The following RFTN1 variants were observed in gnomAD, a reference collection of about 807,000 sequenced individuals.
RFTN1 encodes raftlin.
RFTN1 carries 26 observed loss-of-function variants against 46.5 expected under a neutral mutation model. The observed-to-expected ratio is 0.56, with a 90% CI of 0.41 to 0.78. The LOEUF (loss-of-function observed/expected upper bound fraction) is 0.78, where lower values mean the gene tolerates loss of function less well. Among genes scored for constraint, RFTN1 ranks in the 30% least tolerant of loss-of-function variants. The probability of loss-of-function intolerance (pLI) is 0.00; values close to 1 mark genes in which losing one functional copy is unlikely to be tolerated. For synonymous variants in RFTN1, 261 were observed against 284.2 expected, an observed-to-expected ratio of 0.92 and a Z score of 0.82; for missense variants, 693 against 718.7, an observed-to-expected ratio of 0.96 and a Z score of 0.41.
At chr3:16,511,909 C>T (rs2125019683) in intron 1 of RFTN1, among the ~76,000 whole-genome samples, 1 of 152,206 alleles carries the variant, frequency 6.6e-6, no homozygotes, top group African/African-American at 2.4e-5. Flanking sequence ...AAAAAGCAAA[C>T]AAAGAAAAAC....
chr3:16,386,737 G>A (rs968999918), intron 4 of RFTN1, among the ~76,000 whole-genome samples: 3 of 152,192 alleles, frequency 2.0e-5, no homozygotes, highest in Non-Finnish European at 4.4e-5. Context: ...CTGCCCACAG[G>A]ATGTGGTATG....
rs938020021 is a variant in RFTN1 at position 16,504,013 on chromosome 3, C to T, written c.-9+9429G>A. 7.9e-5 allele frequency among the ~76,000 whole-genome samples: 12 copies of T among 152,156 alleles called. No homozygotes were observed. The highest frequency in any genetic ancestry group is 1.2e-4 in the Non-Finnish European group (8 of 68,032). ...CCCTATCTTTCTATCCCTGCGTGTA[C>T]TCTTTTACAATCTATATATAACACC... On this transcript the variant is annotated intron_variant, in intron 1 of 9. Transcript: ENST00000334133. This position sits in a 1 kb window ranked among gnomAD's most constrained non-coding sequence, Gnocchi z 4.4.
At chr3:16,453,949 T>C (rs1255521796) in intron 2 of RFTN1, among the ~76,000 whole-genome samples, 3 of 152,228 alleles carry the variant, frequency 2.0e-5, no homozygotes, top group Non-Finnish European at 4.4e-5. Flanking sequence ...TAACATGTTA[T>C]TGACCTTCTC....
At position 16,353,252 on chromosome 3, in the gene RFTN1, G is replaced by T. The variant is rs1241193109; in HGVS notation, c.1146+4680C>A. ...TCTTTCCCAGAGGCCAAAAGGGTGG[G>T]GAAAAGAAGTAGCTGGGTCTCAAGG... On this transcript the variant is annotated intron_variant, in intron 7 of 9. Coordinates refer to ENST00000334133, the MANE Select transcript of RFTN1 (RefSeq NM_015150.2). The surrounding 1 kb of genome is among the most constrained non-coding windows in gnomAD (Gnocchi z 5.4). 6.6e-6 allele frequency among the ~76,000 whole-genome samples: 1 copy of T among 152,176 alleles called. No homozygotes were observed. Among genetic ancestry groups the T allele is most frequent in the Admixed American group, 6.5e-5 (1 of 15,274 alleles).
rs1183886773 is a variant in RFTN1 at position 16,385,086 on chromosome 3, A to G, written c.442-6984T>C. ...AACTCACACGCCCCCGATCCGTGAC[A>G]ACATAGCACAGCACACGCAGGGAGC... is the stretch of plus-strand genomic sequence containing the variant. On this transcript the variant is annotated intron_variant, in intron 4 of 9. Transcript: ENST00000334133. This position sits in a 1 kb window ranked among gnomAD's most constrained non-coding sequence, Gnocchi z 5.0. Among the ~76,000 whole-genome samples, 6 of 152,188 alleles carry G rather than the reference A, an allele frequency of 3.9e-5. No homozygotes were observed. The highest frequency in any genetic ancestry group is 3.3e-4 in the Admixed American group (5 of 15,288).
intron 7 of RFTN1, among the ~76,000 whole-genome samples, chr3:16,357,114 C>CAAAAAAAA (rs10563071): frequency 7.5e-6 from 1 of 133,570 alleles, no homozygotes; most frequent in African/African-American, 2.8e-5. Context: ...GATGCCATCT[C>CAAAAAAAA]AAAAAAAAAA....
chr3:16,315,856 T>C lies in RFTN1; in HGVS notation c.*972A>G, dbSNP rs2068330882. On this transcript the variant is annotated 3_prime_UTR_variant, in exon 10 of 10. Transcript: ENST00000334133. ...TAAACACTCAATCCTCACGGTGCACTAACTCATAGATGATTTATTGCCGTA... is the reference window on the plus strand; with the variant it reads ...TAAACACTCAATCCTCACGGTGCACCAACTCATAGATGATTTATTGCCGTA... 1 of 152,244 alleles carries C rather than the reference T, an allele frequency of 6.6e-6. No homozygotes were observed. Among genetic ancestry groups the C allele is most frequent in the South Asian group, 2.1e-4 (1 of 4,832 alleles). The allele number at this position is 152,244 out of a possible 1,614,324, so 9.4% of individuals were successfully genotyped here.
chr3:16,458,296 A>G lies in RFTN1; in HGVS notation c.146-24259T>C, dbSNP rs1575321502. ...CCAGCAGGGGCAAGCATGGAAATAG[A>G]TTGCTGCAGCATGTTCTGCTGTATT... is the stretch of plus-strand genomic sequence containing the variant. On this transcript the variant is annotated intron_variant, in intron 2 of 9. Coordinates refer to ENST00000334133, the MANE Select transcript of RFTN1 (RefSeq NM_015150.2). This position sits in a 1 kb window ranked among gnomAD's most constrained non-coding sequence, Gnocchi z 5.1. 6.6e-6 allele frequency among the ~76,000 whole-genome samples: 1 copy of G among 152,170 alleles called. No individual in the cohort carries two copies. The highest frequency in any genetic ancestry group is 2.1e-4 in the South Asian group (1 of 4,828).
At chr3:16,495,512 G>A (rs1038870699) in intron 1 of RFTN1, among the ~76,000 whole-genome samples, 2 of 152,230 alleles carry the variant, frequency 1.3e-5, no homozygotes, top group African/African-American at 2.4e-5. Flanking sequence ...CAAGAGGGAG[G>A]ACATTCAAGC....
intron 7 of RFTN1, among the ~76,000 whole-genome samples, chr3:16,343,322 C>A (rs2071432099): frequency 6.6e-6 from 1 of 152,190 alleles, no homozygotes; most frequent in South Asian, 2.1e-4. Flanking sequence ...CTAAAGAGTT[C>A]CACATACACT....
At chr3:16,454,256 C>T (rs920801333) in intron 2 of RFTN1, among the ~76,000 whole-genome samples, 5 of 152,192 alleles carry the variant, frequency 3.3e-5, no homozygotes, top group African/African-American at 1.2e-4. Context: ...TGCCAAATTG[C>T]CCCACATTGG....
Position 16,427,294 on chromosome 3 carries a change from T to A in RFTN1, c.332+6557A>T, listed in dbSNP as rs186267063. On this transcript the variant is annotated intron_variant, in intron 3 of 9. Transcript: ENST00000334133. This position sits in a 1 kb window ranked among gnomAD's most constrained non-coding sequence, Gnocchi z 5.4. ...CTACTTCCCAAGAGTCCCCATTCAATGAGCCAGGCCACTGTAGGGATCTGA... is the reference window on the plus strand; with the variant it reads ...CTACTTCCCAAGAGTCCCCATTCAAAGAGCCAGGCCACTGTAGGGATCTGA... Among the ~76,000 whole-genome samples, 1 of 152,298 alleles carries A rather than the reference T, an allele frequency of 6.6e-6. No homozygotes were observed. The highest frequency in any genetic ancestry group is 6.5e-5 in the Admixed American group (1 of 15,298).
intron 2 of RFTN1, among the ~76,000 whole-genome samples, chr3:16,436,534 T>G (rs969118074): frequency 5.9e-5 from 9 of 152,184 alleles, no homozygotes; most frequent in African/African-American, 2.2e-4. Context: ...TTTTGTGTCA[T>G]AGCAGAAAGA....
Position 16,327,816 on chromosome 3 carries a change from G to T in RFTN1, c.1147-940C>A, listed in dbSNP as rs689823. 0.36 allele frequency among the ~76,000 whole-genome samples: 54,213 copies of T among 151,316 alleles called. 9,951 individuals are homozygous for T. The highest frequency in any genetic ancestry group is 0.39 in the Non-Finnish European group (26,688 of 67,762). ...AGCCCCCTGCTAGCACAGGGAGAGAGCCCTGATGTGAGGCCCCTGCACTGG... is the reference window on the plus strand; with the variant it reads ...AGCCCCCTGCTAGCACAGGGAGAGATCCCTGATGTGAGGCCCCTGCACTGG... On this transcript the variant is annotated intron_variant, in intron 7 of 9. Coordinates refer to ENST00000334133, the MANE Select transcript of RFTN1 (RefSeq NM_015150.2). The surrounding 1 kb of genome is among the most constrained non-coding windows in gnomAD (Gnocchi z 4.2).
At chr3:16,456,798 A>G (rs2124919877) in intron 2 of RFTN1, among the ~76,000 whole-genome samples, 1 of 152,280 alleles carries the variant, frequency 6.6e-6, no homozygotes, top group South Asian at 2.1e-4. Context: ...AAGAGTGGAA[A>G]AGGCGAACAA....
At position 16,327,653 on chromosome 3, in the gene RFTN1, C is replaced by G. The variant is rs948520647; in HGVS notation, c.1147-777G>C. Among the ~76,000 whole-genome samples the G allele has an allele frequency of 7.9e-5, 12 of 151,720 alleles. No homozygotes were observed. Among genetic ancestry groups the G allele is most frequent in the South Asian group, 2.1e-4 (1 of 4,784 alleles). On this transcript the variant is annotated intron_variant, in intron 7 of 9. Coordinates refer to ENST00000334133, the MANE Select transcript of RFTN1 (RefSeq NM_015150.2). This position sits in a 1 kb window ranked among gnomAD's most constrained non-coding sequence, Gnocchi z 4.2. Reference sequence around the variant, plus strand: ...GCGGGCGCCTGTAGTCCCAGCTACTCGGGAGGCTGAGGCAGGAGAATGGCG... The same window carrying G: ...GCGGGCGCCTGTAGTCCCAGCTACTGGGGAGGCTGAGGCAGGAGAATGGCG...
intron 3 of RFTN1, among the ~76,000 whole-genome samples, chr3:16,412,717 C>G (rs1402531119): frequency 2.6e-5 from 4 of 152,244 alleles, no homozygotes; most frequent in Non-Finnish European, 5.9e-5. Context: ...ATGGATGTCA[C>G]TCCTGTGATG....
At chr3:16,372,133 G>A (rs947385914) in intron 5 of RFTN1, among the ~76,000 whole-genome samples, 1 of 152,188 alleles carries the variant, frequency 6.6e-6, no homozygotes, top group African/African-American at 2.4e-5. Context: ...TCCTGTGCAA[G>A]TAGTTTATTT....
rs1204862393 is a variant in RFTN1, at chr3:16,452,712, A to G, written c.146-18675T>C. Among the ~76,000 whole-genome samples the G allele has an allele frequency of 6.6e-6, 1 of 152,226 alleles. No homozygotes were observed. Among genetic ancestry groups the G allele is most frequent in the Non-Finnish European group, 1.5e-5 (1 of 68,038 alleles). ...GGTCAGTGTTGCCAGGCCCTTCAGT[A>G]AGATGAGGAATGGAAGACATCCACT... is the stretch of plus-strand genomic sequence containing the variant. On this transcript the variant is annotated intron_variant, in intron 2 of 9. Coordinates refer to ENST00000334133, the MANE Select transcript of RFTN1 (RefSeq NM_015150.2). This position sits in a 1 kb window ranked among gnomAD's most constrained non-coding sequence, Gnocchi z 6.3.
Sources: allele counts gnomAD v4.1 joint callset (sites outside exome capture counted in the v4.1 genomes callset), GRCh38; gene constraint gnomAD v4.1.1; non-coding constraint Gnocchi (gnomAD v3.1); transcripts MANE v1.5; gene names NCBI Gene and HGNC (gene_info 2026-07-23, HGNC 2026-07-21).